Variants in SLC35F1 observed in about 807,000 individuals in gnomAD.
SLC35F1 encodes solute carrier family 35 member F1.
SLC35F1 carries 14 observed loss-of-function variants against 48.7 expected under a neutral mutation model. The observed-to-expected ratio is 0.29, with a 90% CI of 0.19 to 0.45. SLC35F1 has a LOEUF of 0.45. SLC35F1 is among the 20% of genes least tolerant of loss of function. SLC35F1 has a pLI of 1.00. For missense variants in SLC35F1, 404 were observed against 500.0 expected (o/e 0.81, Z 1.83); for synonymous variants, 190 against 202.2 (o/e 0.94, Z 0.51).
intron 2 of SLC35F1, among the ~76,000 whole-genome samples, chr6:118,158,972 G>C (rs1033356740): frequency 6.6e-6 from 1 of 152,072 alleles, no homozygotes; most frequent in Non-Finnish European, 1.5e-5. Context: ...TGTAATCCCA[G>C]CACTTTGGGA....
intron 1 of SLC35F1, among the ~76,000 whole-genome samples, chr6:118,081,282 T>C (rs945825159): frequency 9.2e-5 from 14 of 152,078 alleles, no homozygotes; most frequent in Admixed American, 9.2e-4. Context: ...AAGACCAGAA[T>C]GATGAAATTA....
intron 2 of SLC35F1, among the ~76,000 whole-genome samples, chr6:118,172,095 T>G (rs1210978921): frequency 6.6e-6 from 1 of 152,164 alleles, no homozygotes; most frequent in Non-Finnish European, 1.5e-5. Context: ...GTAATAATCC[T>G]TCAGGGCATC....
intron 1 of SLC35F1, among the ~76,000 whole-genome samples, chr6:118,102,398 G>A (rs7775284): frequency 0.31 from 46,715 of 152,016 alleles, 8,699 homozygotes; most frequent in Non-Finnish European, 0.43. Context: ...TGCCCAACCT[G>A]ATCTTGAACT....
chr6:118,126,944 T>C (rs1388737748), intron 1 of SLC35F1, among the ~76,000 whole-genome samples: 2 of 152,288 alleles, frequency 1.3e-5, no homozygotes, highest in East Asian at 3.9e-4. Context: ...CAATTTGACT[T>C]CCTCTTTCCT....
intron 2 of SLC35F1, among the ~76,000 whole-genome samples, chr6:118,230,002 G>A (rs553001118): frequency 6.6e-6 from 1 of 152,250 alleles, no homozygotes; most frequent in East Asian, 1.9e-4. Flanking sequence ...TAAAGAGAGA[G>A]TGAAAACAAA....
At chr6:117,934,215 C>A (rs934713060) in intron 1 of SLC35F1, among the ~76,000 whole-genome samples, 7 of 152,166 alleles carry the variant, frequency 4.6e-5, no homozygotes, top group African/African-American at 1.7e-4. Flanking sequence ...CTTTTAAAGA[C>A]AGTCTGTGGT....
intron 2 of SLC35F1, among the ~76,000 whole-genome samples, chr6:118,195,923 T>C (rs1489181649): frequency 6.6e-6 from 1 of 152,198 alleles, no homozygotes; most frequent in African/African-American, 2.4e-5. Flanking sequence ...AAAGCTCTAC[T>C]TCGGACCCTG....
At chr6:117,929,205 T>C (rs757650945) in intron 1 of SLC35F1, among the ~76,000 whole-genome samples, 5 of 152,050 alleles carry the variant, frequency 3.3e-5, no homozygotes, top group Non-Finnish European at 5.9e-5. Flanking sequence ...CCCCTAATTT[T>C]AGTTTGTCGA....
At chr6:118,254,427 G>A (rs1775617150) in intron 3 of SLC35F1, among the ~76,000 whole-genome samples, 1 of 152,120 alleles carries the variant, frequency 6.6e-6, no homozygotes, top group South Asian at 2.1e-4. Flanking sequence ...GACTATAGGT[G>A]TGTGCCACCA....
chr6:117,924,433 AAC>A (rs1336176010), intron 1 of SLC35F1, among the ~76,000 whole-genome samples: 2 of 116,316 alleles, frequency 1.7e-5, no homozygotes, highest in Admixed American at 7.9e-5. Flanking sequence ...ACATACGCAT[AAC>A]ACATATATAC....
Position 118,258,494 on chromosome 6 carries a change from CT to C in SLC35F1, c.478-8498del, listed in dbSNP as rs1184347586. On this transcript the variant is annotated intron_variant, in intron 3 of 7. Coordinates refer to ENST00000360388, the MANE Select transcript of SLC35F1 (RefSeq NM_001029858.4). ...CAATGAGATAATGGATGTAAAAGCT[CT>C]TTGAAATCCCTGGGGATTTTTTAAG... 5.9e-5 allele frequency among the ~76,000 whole-genome samples: 9 copies of C among 152,118 alleles called. No individual in the cohort carries two copies. The East Asian group carries it at 1.7e-3, about 29-fold the overall frequency.
intron 1 of SLC35F1, among the ~76,000 whole-genome samples, chr6:117,929,990 A>G (rs1776078996): frequency 6.6e-6 from 1 of 152,180 alleles, no homozygotes; most frequent in Admixed American, 6.6e-5. Flanking sequence ...CTCCAATTTA[A>G]AGATGAAGAT....
intron 2 of SLC35F1, among the ~76,000 whole-genome samples, chr6:118,231,251 C>T (rs1412519254): frequency 6.6e-6 from 1 of 152,028 alleles, no homozygotes; most frequent in Non-Finnish European, 1.5e-5. Context: ...CATTTAATTG[C>T]CAAACTGTAA....
At position 118,039,888 on chromosome 6, in the gene SLC35F1, AT is replaced by A. The variant is rs1772190305; in HGVS notation, c.174-114556del. 6.5e-5 allele frequency among the ~76,000 whole-genome samples: 9 copies of A among 137,496 alleles called. No individual in the cohort carries two copies. The Admixed American group carries it at 7.5e-4, about 11-fold the overall frequency. The allele number at this position is 137,496 out of a possible 152,430, so 90.2% of individuals were successfully genotyped here. On this transcript the variant is annotated intron_variant, in intron 1 of 7. Transcript: ENST00000360388. ...TGCTGGACACTAAATGTTATGTTAT[AT>A]AGACTTTGGGTTCTGTTATAATCTT...
intron 1 of SLC35F1, among the ~76,000 whole-genome samples, chr6:118,140,230 G>A (rs921482027): frequency 3.9e-5 from 6 of 152,142 alleles, no homozygotes; most frequent in African/African-American, 1.2e-4. Context: ...TAAAATGAAG[G>A]AAGTTGCGTC....
chr6:118,167,371 C>G (rs1774333969), intron 2 of SLC35F1, among the ~76,000 whole-genome samples: 1 of 152,156 alleles, frequency 6.6e-6, no homozygotes, highest in Non-Finnish European at 1.5e-5. Flanking sequence ...GTGCAAACAT[C>G]ATACAGTGTA....
intron 1 of SLC35F1, among the ~76,000 whole-genome samples, chr6:117,981,825 C>T (rs569023732): frequency 6.6e-6 from 1 of 152,052 alleles, no homozygotes; most frequent in South Asian, 2.1e-4. Flanking sequence ...CTTTTATAAT[C>T]CCAATCTTTT....
Position 117,907,736 on chromosome 6 carries a change from C to A in SLC35F1, c.10C>A (p.Pro4Thr). ...CTCAGCCTCTGCCGCGATGATCCCC[C>A]CTGAGCAGCCGCAGCAGCAGCTGCA... MIP[P>T]EQPQQQLQPP... Residue 4 changes from proline to threonine, a missense_variant, in exon 1 of 8, where the codon CCT (proline) becomes ACT (threonine). Transcript: ENST00000360388. 6.5e-7 allele frequency: 1 copy of A among 1,541,796 alleles called. No homozygotes were observed. The highest frequency in any genetic ancestry group is 1.2e-5 in the South Asian group (1 of 86,790).
chr6:118,277,403 T>A, intron 5 of SLC35F1, 91 bp from the exon 6 acceptor site: 1 of 1,145,140 alleles, frequency 8.7e-7, no homozygotes, highest in Non-Finnish European at 1.3e-6. Context: ...ATTATTTGTA[T>A]ACATCTGATA....
Sources: gnomAD v4.1 joint callset for allele counts (sites outside exome capture counted in the v4.1 genomes callset) on GRCh38, gnomAD v4.1.1 for gene constraint, MANE v1.5 for transcripts, NCBI Gene and HGNC (gene_info 2026-07-23, HGNC 2026-07-21) for gene names.